TRPC1: variants seen among roughly 807,000 people sequenced by gnomAD.
The protein encoded by TRPC1 is short transient receptor potential channel 1.
TRPC1 carries 42 observed loss-of-function variants against 88.2 expected under a neutral mutation model. The ratio of observed to expected loss-of-function variants is 0.48; its 90% CI spans 0.37 to 0.62. The LOEUF is 0.62. Among genes scored for constraint, TRPC1 ranks in the 20% least tolerant of loss-of-function variants. TRPC1 has a pLI of 0.00. For missense variants in TRPC1, 699 were observed against 957.3 expected, an observed-to-expected ratio of 0.73 and a Z score of 3.56; for synonymous variants, 288 against 331.8, an observed-to-expected ratio of 0.87 and a Z score of 1.43.
chr3:142,802,632 G>A (rs1042160885), intron 10 of TRPC1, among the ~76,000 whole-genome samples: 2 of 151,872 alleles, frequency 1.3e-5, no homozygotes, highest in African/African-American at 4.8e-5. Flanking sequence ...GCAATTCTTT[G>A]TCATTCCTAT....
chr3:142,806,238 A>G lies in TRPC1; in HGVS notation c.*3A>G. 1 of 1,595,516 alleles carries G rather than the reference A, an allele frequency of 6.3e-7. No individual in the cohort carries two copies. Among genetic ancestry groups the G allele is most frequent in the Non-Finnish European group, 8.6e-7 (1 of 1,166,398 alleles). The stretch of plus-strand genomic sequence containing the variant: ...CTATGTTTTATCCAAGAAATTAACC[A>G]TTTTCTAAATCATGGAGCGAATAAT... On this transcript the variant is annotated 3_prime_UTR_variant, in exon 13 of 13. Coordinates refer to ENST00000476941, the MANE Select transcript of TRPC1 (RefSeq NM_001251845.2).
chr3:142,773,542 T>C (rs1560108636), intron 4 of TRPC1, among the ~76,000 whole-genome samples: 1 of 150,512 alleles, frequency 6.6e-6, no homozygotes, highest in Non-Finnish European at 1.5e-5. Context: ...GGCTTATGCC[T>C]GTATCCCAGC....
chr3:142,791,623 T>C (rs1936298222), intron 8 of TRPC1, among the ~76,000 whole-genome samples: 1 of 152,110 alleles, frequency 6.6e-6, no homozygotes, highest in Admixed American at 6.5e-5. Flanking sequence ...TATTAACCTG[T>C]ATATACTTAA....
At chr3:142,752,291 A>G (rs1934793670) in intron 4 of TRPC1, among the ~76,000 whole-genome samples, 3 of 152,198 alleles carry the variant, frequency 2.0e-5, no homozygotes, top group Non-Finnish European at 4.4e-5. Flanking sequence ...TAATAAGGAG[A>G]AGGTCAACAA....
At chr3:142,738,912 C>T (rs1218978365) in intron 2 of TRPC1, among the ~76,000 whole-genome samples, 1 of 152,068 alleles carries the variant, frequency 6.6e-6, no homozygotes, top group Non-Finnish European at 1.5e-5. Context: ...TTAATCCTCA[C>T]AATATAGGGA....
At chr3:142,805,515 C>T (rs1936767898) in intron 12 of TRPC1, among the ~76,000 whole-genome samples, 1 of 151,932 alleles carries the variant, frequency 6.6e-6, no homozygotes, top group Admixed American at 6.6e-5. Flanking sequence ...CAAATTTTCA[C>T]AAAACTTTTA....
chr3:142,792,804 C>G lies in TRPC1; in HGVS notation c.1438-20C>G. 1 of 1,538,780 alleles carries G rather than the reference C, an allele frequency of 6.5e-7. No individual in the cohort carries two copies. The highest frequency in any genetic ancestry group is 8.7e-7 in the Non-Finnish European group (1 of 1,146,928). On this transcript the variant is annotated intron_variant, in intron 8 of 12. Transcript: ENST00000476941. This position sits in a 1 kb window ranked among gnomAD's most constrained non-coding sequence, Gnocchi z 4.0. ...ATTGAGAGAGCTTATTTACCTTTGGCTTTTTCTTCCTAACCTTAGTTTCAT... is the reference window on the plus strand; with the variant it reads ...ATTGAGAGAGCTTATTTACCTTTGGGTTTTTCTTCCTAACCTTAGTTTCAT...
chr3:142,736,701 G>A (rs1020710178), intron 2 of TRPC1, among the ~76,000 whole-genome samples, 168 bp downstream of exon 2: 1 of 150,958 alleles, frequency 6.6e-6, no homozygotes, highest in Non-Finnish European at 1.5e-5. Context: ...TTGGTTTTGA[G>A]GCACTAAAAG....
intron 4 of TRPC1, among the ~76,000 whole-genome samples, chr3:142,774,322 G>A (rs1409756705): frequency 3.9e-5 from 6 of 152,172 alleles, no homozygotes; most frequent in Admixed American, 1.3e-4. Flanking sequence ...ATCCATTTAT[G>A]GCTTTCTTAT....
At chr3:142,750,229 AC>A (rs1365598947) in intron 4 of TRPC1, among the ~76,000 whole-genome samples, 1 of 152,220 alleles carries the variant, frequency 6.6e-6, no homozygotes, top group Non-Finnish European at 1.5e-5. Flanking sequence ...TGAGAAAAAA[AC>A]AACCCCATCA....
At chr3:142,747,341 G>T (rs1394385146) in intron 3 of TRPC1, among the ~76,000 whole-genome samples, 1 of 129,748 alleles carries the variant, frequency 7.7e-6, no homozygotes, top group African/African-American at 3.0e-5. Flanking sequence ...TTATAATATT[G>T]CAAAAAAAAA....
At chr3:142,779,175 A>G (rs1375917678) in intron 5 of TRPC1, among the ~76,000 whole-genome samples, 2 of 152,306 alleles carry the variant, frequency 1.3e-5, no homozygotes, top group Non-Finnish European at 2.9e-5. Flanking sequence ...GATCATAGAA[A>G]CCCATTTACT....
At chr3:142,752,371 G>A (rs918454165) in intron 4 of TRPC1, among the ~76,000 whole-genome samples, 32 of 152,376 alleles carry the variant, frequency 2.1e-4, no homozygotes, top group African/African-American at 3.8e-4. Flanking sequence ...GGACGTGCAC[G>A]TAGGCCAGAT....
intron 1 of TRPC1, among the ~76,000 whole-genome samples, chr3:142,731,005 G>A (rs573426094): frequency 8.1e-4 from 124 of 152,318 alleles, no homozygotes; most frequent in Non-Finnish European, 1.4e-3. Flanking sequence ...GGAATCACCT[G>A]TTCTTAATCA....
chr3:142,732,107 G>A (rs1933944172), intron 1 of TRPC1, among the ~76,000 whole-genome samples: 1 of 152,174 alleles, frequency 6.6e-6, no homozygotes, highest in African/African-American at 2.4e-5. Context: ...AGTAATATAA[G>A]TTGCAATAGG....
chr3:142,731,570 G>C (rs993748682), intron 1 of TRPC1, among the ~76,000 whole-genome samples: 1 of 151,622 alleles, frequency 6.6e-6, no homozygotes, highest in East Asian at 1.9e-4. Flanking sequence ...ATTTTTAGTA[G>C]AGGCGGGGTT....
In TRPC1 at chr3:142,802,150, T is replaced by C; in HGVS notation, c.1582-19T>C. 2.7e-6 allele frequency: 4 copies of C among 1,473,640 alleles called. No individual in the cohort carries two copies. Among genetic ancestry groups the C allele is most frequent in the Non-Finnish European group, 2.7e-6 (3 of 1,112,918 alleles). The allele number at this position is 1,473,640 out of a possible 1,614,324, so 91.3% of individuals were successfully genotyped here. A position where few individuals can be genotyped will look rare whatever the true frequency, so the allele number is the denominator to read the frequency against. ...TTTTCTGATAATCTTAATGAACACC[T>C]GTGTAATATATTCCACAGATTTCAA... On this transcript the variant is annotated intron_variant, in intron 9 of 12. Coordinates refer to ENST00000476941, the MANE Select transcript of TRPC1 (RefSeq NM_001251845.2).
Position 142,807,036 on chromosome 3 carries a change from A to ACTTATAATTTGGTTTGCATAG in TRPC1, c.*804_*805insATAATTTGGTTTGCATAGCTT, listed in dbSNP as rs1936815537. On this transcript the variant is annotated 3_prime_UTR_variant, in exon 13 of 13. Coordinates refer to ENST00000476941, the MANE Select transcript of TRPC1 (RefSeq NM_001251845.2). Reference sequence around the variant, plus strand: ...GTTATGTTTATAAGTTTGCATAGCTACTTCTCGACATTTGGTTTGTTTTAA... The same window carrying ACTTATAATTTGGTTTGCATAG: ...GTTATGTTTATAAGTTTGCATAGCTACTTATAATTTGGTTTGCATAGCTTCTCGACATTTGGTTTGTTTTAA... 1 of 151,984 alleles carries ACTTATAATTTGGTTTGCATAG rather than the reference A, an allele frequency of 6.6e-6. No homozygotes were observed. The highest frequency in any genetic ancestry group is 2.4e-5 in the African/African-American group (1 of 41,392). 9.4% of individuals were successfully genotyped at this position (151,984 alleles called of 1,614,324 possible). A position where few individuals can be genotyped will look rare whatever the true frequency, so the allele number is the denominator to read the frequency against.
intron 1 of TRPC1, among the ~76,000 whole-genome samples, chr3:142,735,024 T>G (rs1397790578): frequency 6.6e-6 from 1 of 151,722 alleles, no homozygotes; most frequent in East Asian, 1.9e-4. Context: ...ACTTAGAGTA[T>G]CACTTTGTGA....
Sources: allele counts gnomAD v4.1 joint callset (sites outside exome capture counted in the v4.1 genomes callset), GRCh38; gene constraint gnomAD v4.1.1; non-coding constraint Gnocchi (gnomAD v3.1); transcripts MANE v1.5; gene names NCBI Gene and HGNC (gene_info 2026-07-23, HGNC 2026-07-21).